WDR87: variants seen among roughly 807,000 people sequenced by gnomAD.
The protein encoded by WDR87 is WD repeat domain 87.
WDR87 carries 56 observed loss-of-function variants against 83.3 expected under a neutral mutation model. The ratio of observed to expected loss-of-function variants is 0.67; its 90% CI spans 0.54 to 0.84. The LOEUF is 0.84. Ranked by LOEUF, WDR87 falls within the 40% of genes least tolerant of loss-of-function variation. The pLI, the probability that WDR87 is intolerant of heterozygous loss-of-function variation, is 0.00. For missense variants in WDR87, 2,939 were observed against 3,431.9 expected, an observed-to-expected ratio of 0.86 and a Z score of 3.59; for synonymous variants, 1,173 against 1,250.6, an observed-to-expected ratio of 0.94 and a Z score of 1.31.
intron 1 of WDR87, among the ~76,000 whole-genome samples, chr19:37,898,574 G>A (rs1353875604): frequency 6.6e-6 from 1 of 152,190 alleles, no homozygotes; most frequent in African/African-American, 2.4e-5. Context: ...GAGAAACCGA[G>A]AGAGGGGCTG....
chr19:37,895,925 C>T (rs2046251871), intron 3 of WDR87: 1 of 618,390 alleles, frequency 1.6e-6, no homozygotes, highest in Non-Finnish European at 2.7e-6. Context: ...AGGCAGGAAT[C>T]CTAGGACCCT....
Position 37,889,184 on chromosome 19 carries a change from C to G in WDR87, c.4487G>C (p.Trp1496Ser). Residue 1496 changes from tryptophan to serine, a missense_variant, in exon 6 of 6, where the codon TGG (tryptophan) becomes TCG (serine). This residue lies in a region of WDR87 where 2,160 missense variants were observed against 2,533.1 expected (regional missense o/e 0.85). Coordinates refer to ENST00000447313, the MANE Select transcript of WDR87 (RefSeq NM_001291088.2). ...ATCCCAGGCCTTTTTCCAGTCCTGC[C>G]AAGATGGTGTCCTCTCAATCATAAC... ...KLVMIERTPS[W>S]QDWKKAWDEW... 6.4e-7 allele frequency: 1 copy of G among 1,552,316 alleles called. No homozygotes were observed. Among genetic ancestry groups the G allele is most frequent in the East Asian group, 2.4e-5 (1 of 40,912 alleles).
Position 37,889,200 on chromosome 19 carries a change from C to T in WDR87, c.4471G>A (p.Glu1491Lys), listed in dbSNP as rs1167460810. 1 of 1,552,230 alleles carries T rather than the reference C, an allele frequency of 6.4e-7. No homozygotes were observed. Among genetic ancestry groups the T allele is most frequent in the East Asian group, 2.4e-5 (1 of 40,900 alleles). ...CAGTCCTGCCAAGATGGTGTCCTCT[C>T]AATCATAACCAGTTTTCCTTCTTGT... is the stretch of plus-strand genomic sequence containing the variant. ...VKQEGKLVMI[E>K]RTPSWQDWKK... Residue 1491 changes from glutamate to lysine, a missense_variant, in exon 6 of 6, where the codon GAG becomes AAG. Glu to Lys is a moderately conservative substitution (Grantham distance 56, BLOSUM62 1). Transcript: ENST00000447313.
rs936608235 is a variant in WDR87 at position 37,895,100 on chromosome 19, G to C, written c.603C>G (p.Ile201Met). ...GGGAGCCACTGGGACCATTCAGCAC[G>C]ATGTCCTGGACAAGCTCATCACCTG... The part of the protein sequence containing the change: ...SMPGDELVQD[I>M]VLNGPSGSLL... Residue 201 changes from isoleucine (I) to methionine (M), a missense_variant, in exon 4 of 6, where the codon ATC becomes ATG. Transcript: ENST00000447313. The C allele has an allele frequency of 1.9e-6, 3 of 1,551,736 alleles. No individual in the cohort carries two copies. Among genetic ancestry groups the C allele is most frequent in the Non-Finnish European group, 1.7e-6 (2 of 1,147,000 alleles).
At chr19:37,899,289 C>T (rs1227998881) in intron 1 of WDR87, among the ~76,000 whole-genome samples, 2 of 151,576 alleles carry the variant, frequency 1.3e-5, no homozygotes, top group African/African-American at 4.8e-5. Context: ...CGTTGTGGCA[C>T]GCCCCTGTAA....
chr19:37,903,681 TACC>T (rs1461830416), intron 1 of WDR87, among the ~76,000 whole-genome samples: 2 of 152,008 alleles, frequency 1.3e-5, no homozygotes, highest in Admixed American at 1.3e-4. Flanking sequence ...AGGCTAGTGC[TACC>T]ACACCTGGCT....
At position 37,889,105 on chromosome 19, in the gene WDR87, T is replaced by C; in HGVS notation, c.4566A>G (p.Glu1522=). 1.3e-6 allele frequency: 2 copies of C among 1,552,310 alleles called. No individual in the cohort carries two copies. The highest frequency in any genetic ancestry group is 1.7e-6 in the Non-Finnish European group (2 of 1,147,138). Residue 1522 remains glutamate, a synonymous_variant, in exon 6 of 6, where the codon GAA becomes GAG. Coordinates refer to ENST00000447313, the MANE Select transcript of WDR87 (RefSeq NM_001291088.2). ...CCTGAAGAAGCCTCTTCTCCCATTCTTCCTTCCATGCCTTCCAGGATTTCC... is the reference window on the plus strand; with the variant it reads ...CCTGAAGAAGCCTCTTCTCCCATTCCTCCTTCCATGCCTTCCAGGATTTCC... ...ETRKSWKAWK[E]EWEKRLLQEE...
chr19:37,889,411 T>A lies in WDR87; in HGVS notation c.4260A>T (p.Val1420=), dbSNP rs771370769. Residue 1420 remains valine, a synonymous_variant, in exon 6 of 6, where the codon GTA becomes GTT. Coordinates refer to ENST00000447313, the MANE Select transcript of WDR87 (RefSeq NM_001291088.2). ...KKVIFLEPGN[V]TMGKEISKKE... ...TCTTTGATATTTCTTTTCCCATGGT[T>A]ACATTACCTGGTTCTAAAAAAATAA... 74 of 1,551,782 alleles carry A rather than the reference T, an allele frequency of 4.8e-5. No homozygotes were observed. Among genetic ancestry groups the A allele is most frequent in the Admixed American group, 3.5e-4 (18 of 50,962 alleles).
rs373105808 is a variant in WDR87, at chr19:37,887,836, C to T, written c.5835G>A (p.Lys1945=). ...TQEKETVIKK[K]EKLAETEKKL... is the part of the protein sequence containing the mutation. ...TTTTCTCTGTTTCAGCCAGTTTCTC[C>T]TTCTTCTTGATCACAGTCTCCTTTT... The change falls in exon 6 of 6, where the codon AAG becomes AAA. Residue 1945 remains lysine, a synonymous_variant. Transcript: ENST00000447313. 2 of 1,550,932 alleles carry T rather than the reference C, an allele frequency of 1.3e-6. No homozygotes were observed.
At position 37,890,239 on chromosome 19, in the gene WDR87, C is replaced by G. The variant is rs1298025048; in HGVS notation, c.3432G>C (p.Glu1144Asp). 6.5e-7 allele frequency: 1 copy of G among 1,542,306 alleles called. No individual in the cohort carries two copies. The highest frequency in any genetic ancestry group is 2.5e-5 in the East Asian group (1 of 40,730). Residue 1144 changes from glutamate to aspartate, a missense_variant, in exon 6 of 6, where the codon GAG becomes GAC. Physicochemically the swap from Glu to Asp is conservative, Grantham distance 45. Coordinates refer to ENST00000447313, the MANE Select transcript of WDR87 (RefSeq NM_001291088.2). The stretch of plus-strand genomic sequence containing the variant: ...CTGTGCTCATCTGTTTAGAGTCTCT[C>G]TCTTTCGTCTTCTTGAGACCCCGCA... ...KWLRGLKKTKERDSKQMSTEP... is the reference protein window; with the variant it reads ...KWLRGLKKTKDRDSKQMSTEP...
rs2046163940 is a variant in WDR87, at chr19:37,887,817, CT to C, written c.5853del (p.Glu1952ArgfsTer7). ...TCCTCTACTTGGACCAATTTTTTCT[CT>C]GTTTCAGCCAGTTTCTCCTTCTTCT... ...VIKKKEKLAE[T>X]EKKLVQVEDS... is the part of the protein sequence containing the mutation. On this transcript the variant is annotated frameshift_variant, in exon 6 of 6. Coordinates refer to ENST00000447313, the MANE Select transcript of WDR87 (RefSeq NM_001291088.2). LOFTEE classifies it low-confidence loss of function (END_TRUNC). 6.4e-7 allele frequency: 1 copy of C among 1,550,444 alleles called. No individual in the cohort carries two copies. The highest frequency in any genetic ancestry group is 1.4e-5 in the African/African-American group (1 of 72,930).
chr19:37,902,015 C>A (rs1351561362), intron 1 of WDR87, among the ~76,000 whole-genome samples: 2 of 128,236 alleles, frequency 1.6e-5, no homozygotes, highest in Non-Finnish European at 3.2e-5. Context: ...TGCACCTGGC[C>A]CTCTATGTTT....
intron 1 of WDR87, among the ~76,000 whole-genome samples, chr19:37,901,684 A>G (rs781577399): frequency 6.6e-6 from 1 of 152,066 alleles, no homozygotes. Context: ...GAGGACTTTC[A>G]AACCCCAAAT....
In WDR87 at chr19:37,889,146, C is replaced by T. The variant is rs1311358077; in HGVS notation, c.4525G>A (p.Val1509Ile). The change falls in exon 6 of 6, where the codon GTC becomes ATC. Residue 1509 changes from valine to isoleucine, a missense_variant. Transcript: ENST00000447313. ...WKKAWDEWKQVHGETRKSWKA... is the reference protein window; with the variant it reads ...WKKAWDEWKQIHGETRKSWKA... Reference sequence around the variant, plus strand: ...CAGGATTTCCTTGTCTCACCATGGACCTGTTTCCACTCATCCCAGGCCTTT... The same window carrying T: ...CAGGATTTCCTTGTCTCACCATGGATCTGTTTCCACTCATCCCAGGCCTTT... 6.4e-7 allele frequency: 1 copy of T among 1,552,222 alleles called. No homozygotes were observed. Among genetic ancestry groups the T allele is most frequent in the Non-Finnish European group, 8.7e-7 (1 of 1,147,154 alleles).
intron 1 of WDR87, among the ~76,000 whole-genome samples, chr19:37,901,655 C>A (rs1265977255): frequency 6.6e-6 from 1 of 152,074 alleles, no homozygotes; most frequent in East Asian, 1.9e-4. Context: ...GGGAATATTT[C>A]TAGGTGATGA....
intron 1 of WDR87, among the ~76,000 whole-genome samples, chr19:37,900,869 G>A (rs1385604382): frequency 6.6e-6 from 1 of 150,492 alleles, no homozygotes; most frequent in East Asian, 2.0e-4. Flanking sequence ...GGAGGCCCCT[G>A]TGGGAGTTAC....
rs1568447400 is a variant in WDR87, at chr19:37,885,412, C to T, written c.8259G>A (p.Gln2753=). 1.9e-6 allele frequency: 3 copies of T among 1,551,784 alleles called. No homozygotes were observed. Among genetic ancestry groups the T allele is most frequent in the Non-Finnish European group, 2.6e-6 (3 of 1,147,042 alleles). Residue 2753 remains glutamine, a synonymous_variant, in exon 6 of 6, where the codon CAG becomes CAA. Coordinates refer to ENST00000447313, the MANE Select transcript of WDR87 (RefSeq NM_001291088.2). ...ACTCTTCCTTTTTTTTAGAAATGGGCTGTGTCTTCTTCTCTAACTTGGGCA... is the reference window on the plus strand; with the variant it reads ...ACTCTTCCTTTTTTTTAGAAATGGGTTGTGTCTTCTTCTCTAACTTGGGCA... ...PKLPKLEKKT[Q]PISKKKEELP...
rs966020837 is a variant in WDR87, at chr19:37,891,892, GT to G, written c.3126-73del. Reference sequence around the variant, plus strand: ...AAGGGAGAATGGGAAGCAAAAAACGGTTGTGGAACAGGCAGGAGGCTTGGCA... The same window carrying G: ...AAGGGAGAATGGGAAGCAAAAAACGGTGTGGAACAGGCAGGAGGCTTGGCA... On this transcript the variant is annotated intron_variant, in intron 4 of 5. Transcript: ENST00000447313. 36 of 1,507,104 alleles carry G rather than the reference GT, an allele frequency of 2.4e-5. No individual in the cohort carries two copies. The African/African-American group carries it at 4.9e-4, about 21-fold the overall frequency. 93.4% of individuals were successfully genotyped at this position (1,507,104 alleles called of 1,614,324 possible).
Position 37,891,819 on chromosome 19 carries a change from G to A in WDR87, c.3127C>T (p.Gln1043Ter). The part of the protein sequence containing the change: ...QKQETFREMQ[Q>*]QMIGEEPLDH... ...AGGGGTTCCTCCCCGATCATCTGCT[G>A]CCTATGAAAGTCAAAGGAGAAGAAG... is the stretch of plus-strand genomic sequence containing the variant. Residue 1043 changes from glutamine to a stop codon, truncating the protein, a stop_gained and splice_region_variant, in exon 5 of 6, where the codon CAG becomes TAG. Coordinates refer to ENST00000447313, the MANE Select transcript of WDR87 (RefSeq NM_001291088.2). LOFTEE classifies it high-confidence loss of function. 1.9e-6 allele frequency: 3 copies of A among 1,551,174 alleles called. No homozygotes were observed. Among genetic ancestry groups the A allele is most frequent in the Non-Finnish European group, 2.6e-6 (3 of 1,146,614 alleles).
Sources: gnomAD v4.1 joint callset for allele counts (sites outside exome capture counted in the v4.1 genomes callset) on GRCh38, gnomAD v4.1.1 for gene constraint, gnomAD v4.1.1 regional missense constraint, MANE v1.5 for transcripts, NCBI Gene and HGNC (gene_info 2026-07-23, HGNC 2026-07-21) for gene names.